AKAP13: variants seen among roughly 807,000 people sequenced by gnomAD.
AKAP13 encodes A-kinase anchoring protein 13.
In AKAP13, 80 loss-of-function variants were observed where a neutral mutation model predicts 264.5. The ratio of observed to expected loss-of-function variants is 0.30; its 90% CI spans 0.25 to 0.36. The LOEUF is 0.36. AKAP13 is among the 10% of genes least tolerant of loss of function. AKAP13 has a pLI of 1.00. For missense variants in AKAP13, 3,712 were observed against 3,435.2 expected (o/e 1.08, Z -2.01); for synonymous variants, 1,380 against 1,250.2 (o/e 1.10, Z -2.19).
chr15:85,528,850 C>A (rs2077163627), intron 3 of AKAP13, among the ~76,000 whole-genome samples: 2 of 152,152 alleles, frequency 1.3e-5, no homozygotes, highest in African/African-American at 4.8e-5. Flanking sequence ...TTCTCTCTCT[C>A]CTTCCCCTCT....
At chr15:85,411,445 C>CT (rs933550220) in intron 1 of AKAP13, among the ~76,000 whole-genome samples, 25 of 149,086 alleles carry the variant, frequency 1.7e-4, no homozygotes, top group African/African-American at 2.5e-4. Flanking sequence ...GAACTAACTG[C>CT]TTTTTTTTTT....
intron 8 of AKAP13, among the ~76,000 whole-genome samples, chr15:85,638,391 A>G (rs568625272): frequency 3.3e-5 from 5 of 151,796 alleles, no homozygotes; most frequent in African/African-American, 9.7e-5. Context: ...GTTTTATTTG[A>G]GGTTTGTTTT....
intron 8 of AKAP13, among the ~76,000 whole-genome samples, chr15:85,595,800 A>G (rs1178909537): frequency 6.6e-6 from 1 of 152,250 alleles, no homozygotes; most frequent in Non-Finnish European, 1.5e-5. Flanking sequence ...TTGCAAGGTA[A>G]CTGATCTGGC....
chr15:85,675,594 C>A (rs2084182780), intron 14 of AKAP13, among the ~76,000 whole-genome samples: 1 of 152,154 alleles, frequency 6.6e-6, no homozygotes, highest in African/African-American at 2.4e-5. Flanking sequence ...GGGTTCCTTT[C>A]CTCACCACAT....
At chr15:85,440,251 C>T (rs1282537530) in intron 1 of AKAP13, among the ~76,000 whole-genome samples, 1 of 152,160 alleles carries the variant, frequency 6.6e-6, no homozygotes, top group Non-Finnish European at 1.5e-5. Flanking sequence ...ACTAGCAGGT[C>T]CTCAGCTAGC....
chr15:85,504,726 T>C (rs1002489793), intron 2 of AKAP13, among the ~76,000 whole-genome samples: 10 of 150,990 alleles, frequency 6.6e-5, no homozygotes, highest in Non-Finnish European at 1.2e-4. Flanking sequence ...TCCTTACATG[T>C]CTGCATTTTA....
chr15:85,608,605 G>A lies in AKAP13; in HGVS notation c.4161+22782G>A, dbSNP rs1325877503. On this transcript the variant is annotated intron_variant, in intron 8 of 36. Transcript: ENST00000394518. The stretch of plus-strand genomic sequence containing the variant: ...AGCGTTTTAAGGAGGGTTAGAGTAG[G>A]CAGAGAGAGCTGAATTGGGAAAGTA... Among the ~76,000 whole-genome samples, 6 of 152,316 alleles carry A rather than the reference G, an allele frequency of 3.9e-5. No individual in the cohort carries two copies. In the South Asian group the frequency reaches 1.0e-3, roughly 26 times the overall value.
At chr15:85,485,451 G>T (rs867560377) in intron 1 of AKAP13, among the ~76,000 whole-genome samples, 9 of 152,200 alleles carry the variant, frequency 5.9e-5, no homozygotes, top group Admixed American at 5.2e-4. Flanking sequence ...TGAAACTTCT[G>T]TGACAGTGAA....
chr15:85,730,997 CTTTT>C (rs71468134), intron 30 of AKAP13, among the ~76,000 whole-genome samples: 4 of 57,380 alleles, frequency 7.0e-5, no homozygotes, highest in East Asian at 1.2e-3. Flanking sequence ...GTCACTTATG[CTTTT>C]TTTTTTTTTT....
At chr15:85,479,978 T>G (rs929112833) in intron 1 of AKAP13, among the ~76,000 whole-genome samples, 11 of 152,206 alleles carry the variant, frequency 7.2e-5, no homozygotes, top group Non-Finnish European at 1.6e-4. Flanking sequence ...TCTTTTTACT[T>G]ATTTCCAGTA....
chr15:85,645,624 G>T (rs867447743), intron 9 of AKAP13, among the ~76,000 whole-genome samples, 194 bp from the exon 10 acceptor site: 4 of 152,160 alleles, frequency 2.6e-5, no homozygotes, highest in Admixed American at 2.6e-4. Flanking sequence ...TGGAGTAGCA[G>T]AGCTACTAAT....
rs1467895169 is a variant in AKAP13, at chr15:85,498,199, G to GATATAGATATATATATATATATAT, written c.33+12451_33+12452insGATATATATATATATATATATATA. Among the ~76,000 whole-genome samples, 26 of 133,082 alleles carry GATATAGATATATATATATATATAT rather than the reference G, an allele frequency of 2.0e-4. No individual in the cohort carries two copies. The South Asian group carries it at 4.7e-3, about 24-fold the overall frequency. 87.3% of individuals were successfully genotyped at this position (133,082 alleles called of 152,430 possible). A position where few individuals can be genotyped will look rare whatever the true frequency, so the allele number is the denominator to read the frequency against. ...TGGTAGTAAGGATTAAATGAAGTGAGATATATATATATATATATATATATA... is the reference window on the plus strand; with the variant it reads ...TGGTAGTAAGGATTAAATGAAGTGAGATATAGATATATATATATATATATATATATATATATATATATATATATA... On this transcript the variant is annotated intron_variant, in intron 2 of 36. Coordinates refer to ENST00000394518, the MANE Select transcript of AKAP13 (RefSeq NM_007200.5).
chr15:85,657,710 CTTT>C (rs11332236), intron 11 of AKAP13, among the ~76,000 whole-genome samples: 6 of 127,514 alleles, frequency 4.7e-5, no homozygotes, highest in African/African-American at 1.1e-4. Flanking sequence ...GTGGTGTACT[CTTT>C]TTTTTTTTTT....
chr15:85,507,606 T>G (rs542562813), intron 2 of AKAP13, among the ~76,000 whole-genome samples: 2 of 152,334 alleles, frequency 1.3e-5, no homozygotes, highest in South Asian at 4.1e-4. Context: ...GTCACCTAAC[T>G]TCAAGTTTCT....
intron 30 of AKAP13, among the ~76,000 whole-genome samples, chr15:85,733,868 CTTTTCTTTTT>C (rs2088228242): frequency 9.2e-6 from 1 of 108,676 alleles, no homozygotes; most frequent in South Asian, 2.7e-4. Flanking sequence ...TCTTTTCTTT[CTTTTCTTTTT>C]TTTTTTTTTT....
chr15:85,682,055 C>A, intron 14 of AKAP13, 103 bp from the exon 15 acceptor site: 1 of 1,074,018 alleles, frequency 9.3e-7, no homozygotes, highest in Admixed American at 1.9e-5. Flanking sequence ...GACTTTCACA[C>A]GCTGTTTTTG....
chr15:85,714,961 C>T (rs1224112206), intron 19 of AKAP13, among the ~76,000 whole-genome samples: 1 of 150,374 alleles, frequency 6.7e-6, no homozygotes, highest in Non-Finnish European at 1.5e-5. Flanking sequence ...AACAAGACTG[C>T]ATTTCAAAAA....
At chr15:85,559,063 T>C (rs2078255022) in intron 5 of AKAP13, among the ~76,000 whole-genome samples, 2 of 152,148 alleles carry the variant, frequency 1.3e-5, no homozygotes, top group South Asian at 4.2e-4. Context: ...AGTTTCAGCT[T>C]ATTTTGTAAG....
At chr15:85,561,737 G>C (rs1787361072) in intron 5 of AKAP13, among the ~76,000 whole-genome samples, 1 of 152,142 alleles carries the variant, frequency 6.6e-6, no homozygotes, top group African/African-American at 2.4e-5. Flanking sequence ...GAGTGATGTA[G>C]TATTCCAGAA....
Sources: gnomAD v4.1 joint callset for allele counts (sites outside exome capture counted in the v4.1 genomes callset) on GRCh38, gnomAD v4.1.1 for gene constraint, MANE v1.5 for transcripts, NCBI Gene and HGNC (gene_info 2026-07-23, HGNC 2026-07-21) for gene names.